RGS3: variants seen among roughly 807,000 people sequenced by gnomAD.
RGS3 encodes the protein regulator of G protein signaling 3.
In RGS3, 80 loss-of-function variants were observed where a neutral mutation model predicts 132.6. The observed-to-expected ratio is 0.60, with a 90% CI of 0.50 to 0.73. The LOEUF (loss-of-function observed/expected upper bound fraction) is 0.73. Ranked by LOEUF, RGS3 falls within the 30% of genes least tolerant of loss-of-function variation. The pLI is 0.00. For synonymous variants in RGS3, 598 were observed against 620.6 expected (o/e 0.96, Z 0.54); for missense variants, 1,382 against 1,530.8 (o/e 0.90, Z 1.62).
Position 113,592,138 on chromosome 9 carries a change from C to T in RGS3, c.3080+741C>T, listed in dbSNP as rs553543330. On this transcript the variant is annotated intron_variant, in intron 21 of 24. Transcript: ENST00000350696. ...GAGGAGCCTCCTGCAACCCTCTTCT[C>T]TGGCCTTGACCGTGGGTGGGGTCCA... 5 of 152,460 alleles carry T rather than the reference C, an allele frequency of 3.3e-5. No homozygotes were observed. In the South Asian group the frequency reaches 1.0e-3, roughly 32 times the overall value. 9.4% of individuals were successfully genotyped at this position (152,460 alleles called of 1,614,324 possible). A position where few individuals can be genotyped will look rare whatever the true frequency, so the allele number is the denominator to read the frequency against.
intron 7 of RGS3, among the ~76,000 whole-genome samples, chr9:113,490,642 T>C (rs1830474384): frequency 8.7e-6 from 1 of 115,332 alleles, no homozygotes; most frequent in African/African-American, 3.7e-5. Context: ...AAGATTATGT[T>C]CAATATATAA....
Position 113,520,542 on chromosome 9 carries a change from GTT to G in RGS3, c.1759-2367_1759-2366del, listed in dbSNP as rs768805637. The stretch of plus-strand genomic sequence containing the variant: ...TTCCACCCCTCTCTGGGCCTGGGCT[GTT>G]TTTTTTTTTTTTTTTTTTTTAAACT... On this transcript the variant is annotated intron_variant, in intron 16 of 24. Transcript: ENST00000350696. Among the ~76,000 whole-genome samples, 19 of 127,388 alleles carry G rather than the reference GTT, an allele frequency of 1.5e-4. No individual in the cohort carries two copies. The East Asian group carries it at 1.8e-3, about 12-fold the overall frequency. 83.6% of individuals were successfully genotyped at this position (127,388 alleles called of 152,430 possible). A position where few individuals can be genotyped will look rare whatever the true frequency, so the allele number is the denominator to read the frequency against.
intron 20 of RGS3, among the ~76,000 whole-genome samples, chr9:113,585,424 G>A (rs1267852716): frequency 6.6e-6 from 1 of 152,216 alleles, no homozygotes; most frequent in African/African-American, 2.4e-5. Context: ...GGGAATGCTG[G>A]GCCCCACTCC....
At chr9:113,561,894 G>T (rs938231381) in intron 19 of RGS3, among the ~76,000 whole-genome samples, 1 of 152,156 alleles carries the variant, frequency 6.6e-6, no homozygotes, top group Non-Finnish European at 1.5e-5. Flanking sequence ...GCTCTGCTTG[G>T]GGGTACTGTA....
At chr9:113,558,906 T>A (rs553835947) in intron 19 of RGS3, among the ~76,000 whole-genome samples, 113 of 152,184 alleles carry the variant, frequency 7.4e-4, no homozygotes, top group Non-Finnish European at 1.3e-3. Flanking sequence ...CCCATATGAT[T>A]TTGCAGACCA....
At chr9:113,515,299 C>T (rs78312534) in intron 15 of RGS3, among the ~76,000 whole-genome samples, 6 of 151,366 alleles carry the variant, frequency 4.0e-5, no homozygotes, top group Non-Finnish European at 7.4e-5. Flanking sequence ...TTCTTCTTCC[C>T]CCTTTTCCTC....
Position 113,507,577 on chromosome 9 carries a change from G to T in RGS3, c.1376G>T (p.Arg459Leu). ...CAGCACACCCTGCCTGCACTGTCCCGTGCCACTGCCCCCACCGACCCCAAC... is the reference window on the plus strand; with the variant it reads ...CAGCACACCCTGCCTGCACTGTCCCTTGCCACTGCCCCCACCGACCCCAAC... Residue 459 changes from arginine to leucine, a missense_variant, in exon 13 of 25, where the codon CGT (arginine) becomes CTT (leucine). Coordinates refer to ENST00000350696, the Ensembl canonical transcript of RGS3. This position sits in a 1 kb window ranked among gnomAD's most constrained non-coding sequence, Gnocchi z 5.0. The T allele has an allele frequency of 6.5e-7, 1 of 1,537,986 alleles. No homozygotes were observed. The highest frequency in any genetic ancestry group is 1.2e-5 in the South Asian group (1 of 80,374).
intron 19 of RGS3, among the ~76,000 whole-genome samples, chr9:113,553,459 A>AAAATATATAT (rs1426114805): frequency 5.1e-5 from 3 of 58,706 alleles, no homozygotes; most frequent in South Asian, 5.8e-4. Flanking sequence ...AAAAAAAAAA[A>AAAATATATAT]ATATATATAT....
intron 19 of RGS3, among the ~76,000 whole-genome samples, chr9:113,538,412 G>A (rs936497827): frequency 1.3e-5 from 2 of 152,224 alleles, no homozygotes; most frequent in Non-Finnish European, 2.9e-5. Context: ...ACGTCGAATG[G>A]CTGAACCTAT....
At chr9:113,511,460 G>T (rs1307506124) in intron 14 of RGS3, among the ~76,000 whole-genome samples, 1 of 152,004 alleles carries the variant, frequency 6.6e-6, no homozygotes, top group Non-Finnish European at 1.5e-5. Flanking sequence ...ATTATCCAGG[G>T]GTGGGTGGAG....
At chr9:113,539,635 AC>A (rs893496554) in intron 19 of RGS3, among the ~76,000 whole-genome samples, 14 of 151,336 alleles carry the variant, frequency 9.3e-5, no homozygotes, top group Non-Finnish European at 1.6e-4. Flanking sequence ...CTAGACCCCC[AC>A]CCCACCCCTG....
At chr9:113,570,928 AC>A (rs1008048528) in intron 19 of RGS3, among the ~76,000 whole-genome samples, 4 of 152,128 alleles carry the variant, frequency 2.6e-5, no homozygotes, top group African/African-American at 9.7e-5. Context: ...GAGTCACTGC[AC>A]CCGGCCCTTG....
rs759276383 is a variant in RGS3 at position 113,484,197 on chromosome 9, C to T, written c.585C>T (p.Asp195=). ...ACCAGAAGACGCAGACCGTTCCAGA[C>T]TGCAGAGACCCGGCTTTCCACGAGC... The change falls in exon 6 of 25, where the codon GAC becomes GAT. Residue 195 remains aspartate (D), a synonymous_variant. Transcript: ENST00000350696. 8 of 1,612,802 alleles carry T rather than the reference C, an allele frequency of 5.0e-6. No homozygotes were observed. In the African/African-American group the frequency reaches 1.1e-4, roughly 22 times the overall value.
intron 17 of RGS3, among the ~76,000 whole-genome samples, chr9:113,525,813 G>A (rs1832172925): frequency 6.6e-6 from 1 of 152,204 alleles, no homozygotes; most frequent in South Asian, 2.1e-4. Flanking sequence ...ATGGAACACT[G>A]TGGGTGCCTA....
chr9:113,479,210 C>A, intron 3 of RGS3: 1 of 445,748 alleles, frequency 2.2e-6, no homozygotes, highest in Non-Finnish European at 4.0e-6. Flanking sequence ...TGAGATTTCC[C>A]AGCATCCACC....
At chr9:113,466,736 T>C (rs1829657114) in intron 3 of RGS3, among the ~76,000 whole-genome samples, 1 of 152,256 alleles carries the variant, frequency 6.6e-6, no homozygotes, top group African/African-American at 2.4e-5. Context: ...TATTGAAATA[T>C]AATTCAGATA....
intron 1 of RGS3, among the ~76,000 whole-genome samples, chr9:113,454,903 G>T (rs1362803125): frequency 6.6e-6 from 1 of 152,066 alleles, no homozygotes; most frequent in Non-Finnish European, 1.5e-5. Context: ...TCTTTCCCCA[G>T]CCTTGGGATA....
In RGS3 at chr9:113,579,691, C is replaced by G. The variant is rs796421287; in HGVS notation, c.2038-3759C>G. Among the ~76,000 whole-genome samples, 1 of 152,200 alleles carries G rather than the reference C, an allele frequency of 6.6e-6. No individual in the cohort carries two copies. Among genetic ancestry groups the G allele is most frequent in the Non-Finnish European group, 1.5e-5 (1 of 68,030 alleles). ...CCTCTATCAGAGCAGTCCCCATGCT[C>G]CTTCAAACTAGTTGTCTAACCTCTG... is the stretch of plus-strand genomic sequence containing the variant. On this transcript the variant is annotated intron_variant, in intron 19 of 24. Coordinates refer to ENST00000350696, the Ensembl canonical transcript of RGS3. This position sits in a 1 kb window ranked among gnomAD's most constrained non-coding sequence, Gnocchi z 4.3.
chr9:113,552,091 A>G (rs1290989169), intron 19 of RGS3, among the ~76,000 whole-genome samples: 10 of 152,164 alleles, frequency 6.6e-5, no homozygotes, highest in African/African-American at 2.4e-4. Flanking sequence ...TATTCACTCT[A>G]GGATTATATA....
Sources: gnomAD v4.1 joint callset for allele counts (sites outside exome capture counted in the v4.1 genomes callset) on GRCh38, gnomAD v4.1.1 for gene constraint, Gnocchi (gnomAD v3.1) non-coding constraint, MANE v1.5 for transcripts, NCBI Gene and HGNC (gene_info 2026-07-23, HGNC 2026-07-21) for gene names.